The following PHYHD1 variants were observed in gnomAD, a reference collection of about 807,000 sequenced individuals.
PHYHD1 encodes the protein phytanoyl-CoA dioxygenase domain containing 1.
A neutral mutation model predicts 43.6 loss-of-function variants in PHYHD1; 42 were observed. The ratio of observed to expected loss-of-function variants is 0.96; its 90% confidence interval spans 0.75 to 1.25. The LOEUF is 1.25. Ranked by LOEUF, PHYHD1 falls within the 50% of genes most tolerant of loss-of-function variation. PHYHD1 has a pLI of 0.00. For synonymous variants in PHYHD1, 139 were observed against 143.6 expected, an observed-to-expected ratio of 0.97 and a Z score of 0.23; for missense variants, 342 against 370.8, an observed-to-expected ratio of 0.92 and a Z score of 0.64.
In PHYHD1 at chr9:128,937,919, C is replaced by T; in HGVS notation, c.457+141C>T. On this transcript the variant is annotated intron_variant, in intron 9 of 12. Transcript: ENST00000372592. Reference sequence around the variant, plus strand: ...TGGCCCGGAGAGGAGGAGCCACCTTCCATTCCTTCCCCTGATAGTGGATTG... The same window carrying T: ...TGGCCCGGAGAGGAGGAGCCACCTTTCATTCCTTCCCCTGATAGTGGATTG... The T allele has an allele frequency of 1.9e-6, 3 of 1,538,618 alleles. No individual in the cohort carries two copies. In the South Asian group the frequency reaches 3.6e-5, roughly 18 times the overall value.
chr9:128,937,595 TC>T (rs1315849893), intron 8 of PHYHD1, among the ~76,000 whole-genome samples, 161 bp from the exon 9 acceptor site: 22 of 152,130 alleles, frequency 1.4e-4, no homozygotes, highest in Non-Finnish European at 2.9e-5. Flanking sequence ...TTTGCATCCC[TC>T]CTGGGGCTGG....
chr9:128,937,846 G>C (rs1409859658), intron 9 of PHYHD1, 68 bp downstream of exon 9: 6 of 1,612,116 alleles, frequency 3.7e-6, no homozygotes, highest in Non-Finnish European at 5.1e-6. Context: ...ATGGTTCTCA[G>C]ATCTTCAGAA....
At chr9:128,935,044 C>T (rs1841391518) in intron 6 of PHYHD1, among the ~76,000 whole-genome samples, 1 of 152,180 alleles carries the variant, frequency 6.6e-6, no homozygotes, top group Non-Finnish European at 1.5e-5. Context: ...CCTATTCTGA[C>T]ACCCCAAAGT....
At position 128,922,347 on chromosome 9, in the gene PHYHD1, G is replaced by A; in HGVS notation, c.24G>A (p.Gln8=). 3.2e-6 allele frequency: 5 copies of A among 1,550,010 alleles called. No homozygotes were observed. Among genetic ancestry groups the A allele is most frequent in the Non-Finnish European group, 4.4e-6 (5 of 1,146,958 alleles). The change falls in exon 3 of 13, where the codon CAG becomes CAA. Residue 8 remains glutamine (Q), a synonymous_variant. Coordinates refer to ENST00000372592, the MANE Select transcript of PHYHD1 (RefSeq NM_001100876.2). The part of the protein sequence containing the change: MACLSPS[Q]LQKFQQDGFL... Reference sequence around the variant, plus strand: ...CCATGGCCTGCCTGAGCCCCTCGCAGCTCCAGAAGGTAGGAGCCTGCAAGT... The same window carrying A: ...CCATGGCCTGCCTGAGCCCCTCGCAACTCCAGAAGGTAGGAGCCTGCAAGT...
At chr9:128,926,281 A>G (rs1029533837) in intron 3 of PHYHD1, among the ~76,000 whole-genome samples, 2 of 152,074 alleles carry the variant, frequency 1.3e-5, no homozygotes, top group Non-Finnish European at 2.9e-5. Flanking sequence ...CCCAGGCTGG[A>G]ATGCAATGGC....
chr9:128,932,577 G>C (rs1841318943), intron 4 of PHYHD1, among the ~76,000 whole-genome samples: 1 of 151,804 alleles, frequency 6.6e-6, no homozygotes, highest in African/African-American at 2.4e-5. Flanking sequence ...ACGTAGGTCA[G>C]GCTGCTCTTG....
At position 128,933,848 on chromosome 9, in the gene PHYHD1, G is replaced by T. The variant is rs770769609; in HGVS notation, c.259G>T (p.Asp87Tyr). Residue 87 changes from aspartate to tyrosine, a missense_variant, in exon 5 of 13, where the codon GAT becomes TAT. Asp to Tyr is a radical substitution (Grantham distance 160, BLOSUM62 -3). Coordinates refer to ENST00000372592, the MANE Select transcript of PHYHD1 (RefSeq NM_001100876.2). ...IRFFFEKGVF[D>Y]EKGNFLVPPE... ...ATTCTTCTTTGAGAAAGGCGTTTTT[G>T]ATGAGAAAGGTTTGGAGCTGGGGCC... 1.2e-6 allele frequency: 2 copies of T among 1,614,036 alleles called. No homozygotes were observed. Among genetic ancestry groups the T allele is most frequent in the Non-Finnish European group, 1.7e-6 (2 of 1,179,886 alleles).
intron 4 of PHYHD1, among the ~76,000 whole-genome samples, chr9:128,931,902 T>A (rs1349513256): frequency 6.6e-6 from 1 of 151,618 alleles, no homozygotes; most frequent in Admixed American, 6.6e-5. Context: ...TGGTGCGATC[T>A]TGGCTCATTG....
At chr9:128,936,356 G>A (rs771937587) in intron 6 of PHYHD1, 92 bp from the exon 7 acceptor site, 160 of 1,506,584 alleles carry the variant, frequency 1.1e-4, no homozygotes, top group Non-Finnish European at 1.3e-4. Flanking sequence ...AAGTGAGAAT[G>A]TCAAAGTAAG....
At chr9:128,929,032 A>C (rs956177591) in intron 4 of PHYHD1, among the ~76,000 whole-genome samples, 1 of 152,138 alleles carries the variant, frequency 6.6e-6, no homozygotes, top group African/African-American at 2.4e-5. Flanking sequence ...TGCCCTGTGG[A>C]TAGAACAGTT....
intron 4 of PHYHD1, among the ~76,000 whole-genome samples, chr9:128,932,820 C>CTTAT (rs36079303): frequency 0.097 from 13,677 of 141,554 alleles, 968 homozygotes; most frequent in African/African-American, 0.18. Context: ...ATTATTATTC[C>CTTAT]TTATTTATTT....
rs775986817 is a variant in PHYHD1 at position 128,940,625 on chromosome 9, G to T, written c.613G>T (p.Ala205Ser). The change falls in exon 11 of 13, where the codon GCC becomes TCC. Residue 205 changes from alanine to serine, a missense_variant. Transcript: ENST00000372592. ...TSGVSRRMVRAPVGSAPGTSF... is the reference protein window; with the variant it reads ...TSGVSRRMVRSPVGSAPGTSF... ...TGGTGTGTCAAGAAGGATGGTCCGG[G>T]CCCCTGTTGGCTCAGCGCCTGGTAC... 3 of 1,614,146 alleles carry T rather than the reference G, an allele frequency of 1.9e-6. No individual in the cohort carries two copies. The South Asian group carries it at 3.3e-5, about 18-fold the overall frequency.
chr9:128,937,579 T>G (rs1432609429), intron 8 of PHYHD1, among the ~76,000 whole-genome samples, 178 bp from the exon 9 acceptor site: 1 of 152,078 alleles, frequency 6.6e-6, no homozygotes, highest in East Asian at 1.9e-4. Flanking sequence ...GGGTGGGGGT[T>G]TTCTCTTTGC....
chr9:128,937,804 A>C, intron 9 of PHYHD1, 26 bp downstream of exon 9: 1 of 1,614,026 alleles, frequency 6.2e-7, no homozygotes. Context: ...TGGGCCCCTG[A>C]AAAGGCCATG....
chr9:128,923,142 C>T (rs939580365), intron 3 of PHYHD1, among the ~76,000 whole-genome samples: 3 of 152,214 alleles, frequency 2.0e-5, no homozygotes, highest in African/African-American at 7.2e-5. Flanking sequence ...CAGGATTTCA[C>T]CATGTTGGCC....
In PHYHD1 at chr9:128,926,835, C is replaced by T. The variant is rs757339009; in HGVS notation, c.34-203C>T. On this transcript the variant is annotated intron_variant, in intron 3 of 12. Coordinates refer to ENST00000372592, the MANE Select transcript of PHYHD1 (RefSeq NM_001100876.2). ...CTGGGATTAGAGGCATGAGCCACTGCACCCGGCCTCACTACTTGTTCTTCC... is the reference window on the plus strand; with the variant it reads ...CTGGGATTAGAGGCATGAGCCACTGTACCCGGCCTCACTACTTGTTCTTCC... 30 of 703,610 alleles carry T rather than the reference C, an allele frequency of 4.3e-5. No homozygotes were observed. The Admixed American group carries it at 6.2e-4, about 14-fold the overall frequency. 43.6% of individuals were successfully genotyped at this position (703,610 alleles called of 1,614,324 possible).
rs1485535299 is a variant in PHYHD1 at position 128,921,047 on chromosome 9, A to G, written c.-781A>G. ...TTCAGAGCCAGCGAGTGGCCCTGCC[A>G]GCTGCTGAGCAGGGCAAGCTGAGAA... On this transcript the variant is annotated 5_prime_UTR_variant, in exon 1 of 13. Coordinates refer to ENST00000372592, the MANE Select transcript of PHYHD1 (RefSeq NM_001100876.2). The G allele has an allele frequency of 6.6e-6, 1 of 152,266 alleles. No individual in the cohort carries two copies. The highest frequency in any genetic ancestry group is 6.5e-5 in the Admixed American group (1 of 15,284). 9.4% of individuals were successfully genotyped at this position (152,266 alleles called of 1,614,324 possible).
At chr9:128,937,682 A>C (rs1841458941) in intron 8 of PHYHD1, 75 bp from the exon 9 acceptor site, 2 of 1,569,502 alleles carry the variant, frequency 1.3e-6, no homozygotes, top group Admixed American at 3.3e-5. Context: ...GAGCAATAGC[A>C]TCCTGGGAGT....
chr9:128,941,753 A>T lies in PHYHD1; in HGVS notation c.*40A>T, dbSNP rs776337704. On this transcript the variant is annotated 3_prime_UTR_variant, in exon 13 of 13. Coordinates refer to ENST00000372592, the MANE Select transcript of PHYHD1 (RefSeq NM_001100876.2). ...CAGGAGCCCTCGCCCCTCCCGGGTGAAGCTGTGGGCTGTAAACACCAGTGC... is the reference window on the plus strand; with the variant it reads ...CAGGAGCCCTCGCCCCTCCCGGGTGTAGCTGTGGGCTGTAAACACCAGTGC... The T allele has an allele frequency of 1.2e-6, 2 of 1,613,898 alleles. No homozygotes were observed. Among genetic ancestry groups the T allele is most frequent in the South Asian group, 2.2e-5 (2 of 91,076 alleles).
Sources: gnomAD v4.1 joint callset for allele counts (sites outside exome capture counted in the v4.1 genomes callset) on GRCh38, gnomAD v4.1.1 for gene constraint, MANE v1.5 for transcripts, NCBI Gene and HGNC (gene_info 2026-07-23, HGNC 2026-07-21) for gene names.